KCNJ16: variants seen among roughly 807,000 people sequenced by gnomAD.
The protein encoded by KCNJ16 is inward rectifier potassium channel 16.
KCNJ16 carries 15 observed loss-of-function variants against 18.5 expected under a neutral mutation model. The observed-to-expected ratio is 0.81, with a 90% CI of 0.54 to 1.25. The LOEUF (loss-of-function observed/expected upper bound fraction) is 1.25. KCNJ16 is among the 50% of genes most tolerant of loss of function. KCNJ16 has a pLI of 0.00. For synonymous variants in KCNJ16, 174 were observed against 186.5 expected, an observed-to-expected ratio of 0.93 and a Z score of 0.55; for missense variants, 523 against 525.7, an observed-to-expected ratio of 0.99 and a Z score of 0.05.
intron 2 of KCNJ16, among the ~76,000 whole-genome samples, chr17:70,120,294 T>G (rs1404720042): frequency 6.6e-6 from 1 of 152,174 alleles, no homozygotes; most frequent in East Asian, 1.9e-4. Context: ...ATTCCAAACT[T>G]TCCCTCATCT....
intron 1 of KCNJ16, among the ~76,000 whole-genome samples, chr17:70,082,330 G>A (rs563988532): frequency 6.6e-6 from 1 of 152,144 alleles, no homozygotes; most frequent in Non-Finnish European, 1.5e-5. Flanking sequence ...AGAGTGGCAG[G>A]GGGTAAAATG....
intron 2 of KCNJ16, among the ~76,000 whole-genome samples, chr17:70,103,309 T>C (rs1319684936): frequency 9.4e-4 from 17 of 18,108 alleles, no homozygotes; most frequent in East Asian, 6.4e-3. Context: ...TATATATATA[T>C]ATATATATAT....
intron 1 of KCNJ16, among the ~76,000 whole-genome samples, chr17:70,087,884 G>T (rs1005011396): frequency 2.0e-5 from 3 of 151,780 alleles, no homozygotes; most frequent in African/African-American, 7.3e-5. Flanking sequence ...TAGTTTAGAA[G>T]TTGCAATTAC....
chr17:70,116,829 A>G (rs73382055), intron 2 of KCNJ16, among the ~76,000 whole-genome samples: 1,876 of 152,320 alleles, frequency 0.012, 44 homozygotes, highest in African/African-American at 0.042. Context: ...CTGCGGAGAA[A>G]AGGGAGTGCT....
chr17:70,083,688 G>T (rs1220944586), intron 1 of KCNJ16, among the ~76,000 whole-genome samples: 4 of 152,046 alleles, frequency 2.6e-5, no homozygotes, highest in Non-Finnish European at 5.9e-5. Context: ...ATTGCCTAAT[G>T]ATGCATTTGA....
intron 2 of KCNJ16, 112 bp from the exon 3 acceptor site, chr17:70,130,767 A>ATAATCCCT (rs1322993425): frequency 3.3e-6 from 2 of 597,652 alleles, no homozygotes; most frequent in East Asian, 5.5e-5. Flanking sequence ...GTCCCCCGTT[A>ATAATCCCT]TAATCCCTTC....
chr17:70,098,995 A>G (rs547226681), intron 1 of KCNJ16, among the ~76,000 whole-genome samples: 108 of 152,338 alleles, frequency 7.1e-4, no homozygotes, highest in African/African-American at 2.4e-3. Flanking sequence ...CTGAAGCCTC[A>G]TATCAGTGAC....
chr17:70,084,358 ATT>A (rs762523279), intron 1 of KCNJ16, among the ~76,000 whole-genome samples: 1 of 152,206 alleles, frequency 6.6e-6, no homozygotes, highest in Non-Finnish European at 1.5e-5. Context: ...TGAAGAGTCC[ATT>A]AAGTGGTAGG....
intron 1 of KCNJ16, among the ~76,000 whole-genome samples, chr17:70,095,097 TTTTG>T (rs758387096): frequency 7.9e-5 from 12 of 152,246 alleles, no homozygotes; most frequent in Admixed American, 1.3e-4. Context: ...AATAATTTAC[TTTTG>T]TTTGTTTAAT....
chr17:70,107,319 A>T (rs2072976428), intron 2 of KCNJ16, among the ~76,000 whole-genome samples: 1 of 152,206 alleles, frequency 6.6e-6, no homozygotes, highest in Non-Finnish European at 1.5e-5. Flanking sequence ...AGTCATGATA[A>T]GAACCTAATA....
At chr17:70,084,084 G>A (rs2071683131) in intron 1 of KCNJ16, among the ~76,000 whole-genome samples, 1 of 152,206 alleles carries the variant, frequency 6.6e-6, no homozygotes, top group African/African-American at 2.4e-5. Context: ...TCCATAATGT[G>A]TGCCAGTATA....
intron 2 of KCNJ16, among the ~76,000 whole-genome samples, chr17:70,113,716 G>A (rs908664949): frequency 2.0e-5 from 3 of 152,038 alleles, no homozygotes; most frequent in Non-Finnish European, 1.5e-5. Context: ...TTGGGTTGCC[G>A]CTGTGTGTGT....
intron 1 of KCNJ16, among the ~76,000 whole-genome samples, chr17:70,077,295 TA>T (rs201278604): frequency 0.034 from 5,231 of 152,230 alleles, 87 homozygotes; most frequent in Middle Eastern, 0.061. Context: ...ATGGGAAGCG[TA>T]GATTTAGATA....
chr17:70,079,219 T>C (rs571572452), intron 1 of KCNJ16, among the ~76,000 whole-genome samples: 2 of 152,322 alleles, frequency 1.3e-5, no homozygotes, highest in African/African-American at 4.8e-5. Flanking sequence ...CTGCAGAGTA[T>C]GCCAGAATAG....
chr17:70,087,441 C>T (rs777033138), intron 1 of KCNJ16, among the ~76,000 whole-genome samples: 3 of 152,034 alleles, frequency 2.0e-5, no homozygotes, highest in South Asian at 2.1e-4. Flanking sequence ...GTAGCTCACA[C>T]CTATAATCCC....
chr17:70,099,390 G>T (rs921090604), intron 1 of KCNJ16, among the ~76,000 whole-genome samples: 1 of 152,092 alleles, frequency 6.6e-6, no homozygotes, highest in Non-Finnish European at 1.5e-5. Flanking sequence ...AGAGCTTCAG[G>T]GGACAGCATG....
intron 3 of KCNJ16, chr17:70,131,203 AAAAAAAG>A: frequency 1.3e-6 from 1 of 749,292 alleles, no homozygotes; most frequent in Non-Finnish European, 1.9e-6. Context: ...TCAAAAAAAA[AAAAAAAG>A]AAAGAAAGAA....
chr17:70,120,826 G>A (rs747220219), intron 2 of KCNJ16, among the ~76,000 whole-genome samples: 2 of 152,156 alleles, frequency 1.3e-5, no homozygotes, highest in Non-Finnish European at 2.9e-5. Context: ...TTTGGGCAGG[G>A]ATAGATATCC....
intron 1 of KCNJ16, among the ~76,000 whole-genome samples, chr17:70,099,068 T>TAG (rs1759515401): frequency 6.6e-6 from 1 of 152,122 alleles, no homozygotes; most frequent in Non-Finnish European, 1.5e-5. Flanking sequence ...AAATCAGTCC[T>TAG]TTGATTTCCT....
Sources: gnomAD v4.1 joint callset for allele counts (sites outside exome capture counted in the v4.1 genomes callset) on GRCh38, gnomAD v4.1.1 for gene constraint, MANE v1.5 for transcripts, NCBI Gene and HGNC (gene_info 2026-07-23, HGNC 2026-07-21) for gene names.